The following CNTN4 variants were observed in gnomAD, a reference collection of about 807,000 sequenced individuals.
CNTN4 encodes contactin-4.
In CNTN4, 77 loss-of-function variants were observed where a neutral mutation model predicts 122.5. The ratio of observed to expected loss-of-function variants is 0.63; its 90% CI spans 0.52 to 0.76. The LOEUF is 0.76. Among genes scored for constraint, CNTN4 ranks in the 30% least tolerant of loss-of-function variants. CNTN4 has a pLI of 0.00. For missense variants in CNTN4, 1,256 were observed against 1,259.1 expected (o/e 1.00, Z 0.04); for synonymous variants, 512 against 447.0 (o/e 1.15, Z -1.83).
intron 6 of CNTN4, among the ~76,000 whole-genome samples, chr3:2,747,888 T>C (rs183309134): frequency 2.6e-4 from 39 of 152,344 alleles, no homozygotes; most frequent in South Asian, 4.1e-4. Flanking sequence ...ATCTCTTTCT[T>C]AAAATTGAGC....
intron 3 of CNTN4, among the ~76,000 whole-genome samples, chr3:2,494,725 C>T (rs2076409057): frequency 1.3e-5 from 2 of 151,982 alleles, no homozygotes; most frequent in African/African-American, 4.8e-5. Flanking sequence ...GGGTAAAATA[C>T]TTTGATTTCT....
At chr3:2,682,661 T>C (rs2085223548) in intron 4 of CNTN4, among the ~76,000 whole-genome samples, 1 of 152,070 alleles carries the variant, frequency 6.6e-6, no homozygotes, top group Non-Finnish European at 1.5e-5. Flanking sequence ...ATACCTGGAA[T>C]GGGTTAATTA....
chr3:2,386,154 T>C (rs12636837), intron 3 of CNTN4, among the ~76,000 whole-genome samples: 29,004 of 151,982 alleles, frequency 0.19, 3,013 homozygotes, highest in Middle Eastern at 0.27. Flanking sequence ...CTCATTGCCT[T>C]ACATGGTTCC....
At chr3:2,410,705 A>G (rs1281984662) in intron 3 of CNTN4, among the ~76,000 whole-genome samples, 2 of 152,210 alleles carry the variant, frequency 1.3e-5, no homozygotes, top group Non-Finnish European at 2.9e-5. Flanking sequence ...TATATTTTCA[A>G]TGTTATTGCT....
chr3:2,986,248 A>G (rs1694567863), intron 13 of CNTN4, among the ~76,000 whole-genome samples: 1 of 152,118 alleles, frequency 6.6e-6, no homozygotes, highest in African/African-American at 2.4e-5. Context: ...AAAGAGAACC[A>G]CTGCCTAGTA....
chr3:3,019,661 CAT>C (rs1012080127), intron 14 of CNTN4, among the ~76,000 whole-genome samples: 3 of 149,818 alleles, frequency 2.0e-5, no homozygotes, highest in Non-Finnish European at 3.0e-5. Context: ...CAAACACCAC[CAT>C]ATATATATAT....
intron 7 of CNTN4, among the ~76,000 whole-genome samples, chr3:2,835,305 G>A (rs6793811): frequency 0.46 from 69,217 of 151,878 alleles, 18,092 homozygotes; most frequent in East Asian, 0.8. Context: ...AGTATATAAA[G>A]CTAAAAGTTT....
At chr3:2,234,058 TTGTC>T (rs1459862709) in intron 2 of CNTN4, among the ~76,000 whole-genome samples, 1 of 152,122 alleles carries the variant, frequency 6.6e-6, no homozygotes, top group Non-Finnish European at 1.5e-5. Context: ...AGCTGATAAT[TTGTC>T]TGGTAGATTC....
rs553547579 is a variant in CNTN4 at position 2,840,467 on chromosome 3, G to GT, written c.454+20886_454+20887insT. On this transcript the variant is annotated intron_variant, in intron 7 of 24. Transcript: ENST00000418658. ...TGTCATCCCAGCACTTTGGGAGGCC[G>GT]AGGCGGGCGGATCACGAGGTCAGGA... 2.3e-4 allele frequency among the ~76,000 whole-genome samples: 34 copies of GT among 147,732 alleles called. No individual in the cohort carries two copies. The East Asian group carries it at 5.1e-3, about 22-fold the overall frequency.
chr3:2,452,135 C>G (rs576766550), intron 3 of CNTN4, among the ~76,000 whole-genome samples: 1 of 152,164 alleles, frequency 6.6e-6, no homozygotes, highest in African/African-American at 2.4e-5. Flanking sequence ...GTATACAGAG[C>G]AGGAAAAATG....
chr3:2,593,895 AG>A (rs1212265361), intron 4 of CNTN4, among the ~76,000 whole-genome samples: 1 of 152,182 alleles, frequency 6.6e-6, no homozygotes, highest in Non-Finnish European at 1.5e-5. Context: ...AGTTCCAAGC[AG>A]TTATATTTAT....
intron 4 of CNTN4, among the ~76,000 whole-genome samples, chr3:2,653,498 C>A (rs1052232569): frequency 6.6e-6 from 1 of 152,138 alleles, no homozygotes; most frequent in African/African-American, 2.4e-5. Flanking sequence ...TATCTAAGAT[C>A]ACAAGGGTAG....
At chr3:2,618,358 ATACATTTTGTATATATACATGTT>A (rs988174059) in intron 4 of CNTN4, among the ~76,000 whole-genome samples, 1 of 152,166 alleles carries the variant, frequency 6.6e-6, no homozygotes, top group African/African-American at 2.4e-5. Context: ...ATATATCATT[ATACATTTTGTATATATACATGTT>A]TACGTATACA....
chr3:2,833,738 A>T (rs1444170119), intron 7 of CNTN4, among the ~76,000 whole-genome samples: 3 of 152,250 alleles, frequency 2.0e-5, no homozygotes, highest in African/African-American at 7.2e-5. Context: ...GAAAATTTTT[A>T]AAAAATAATT....
intron 4 of CNTN4, among the ~76,000 whole-genome samples, chr3:2,676,119 T>A (rs2084829057): frequency 6.6e-6 from 1 of 152,190 alleles, no homozygotes; most frequent in Non-Finnish European, 1.5e-5. Context: ...ATTATTCCAC[T>A]TTTATCCCTC....
At chr3:3,011,626 C>A (rs1318765846) in intron 14 of CNTN4, among the ~76,000 whole-genome samples, 1 of 152,162 alleles carries the variant, frequency 6.6e-6, no homozygotes, top group Non-Finnish European at 1.5e-5. Context: ...GATACTTTCA[C>A]TAGCAACAAC....
chr3:2,276,360 G>C (rs1431664169), intron 2 of CNTN4, among the ~76,000 whole-genome samples: 1 of 152,014 alleles, frequency 6.6e-6, no homozygotes, highest in South Asian at 2.1e-4. Context: ...TTTTAGCAGA[G>C]AGAGGGTTTC....
chr3:3,054,434 A>G (rs1406388741), intron 24 of CNTN4, among the ~76,000 whole-genome samples: 3 of 152,258 alleles, frequency 2.0e-5, no homozygotes, highest in Admixed American at 6.5e-5. Flanking sequence ...CAATGGGTAT[A>G]TGCAACATGT....
intron 3 of CNTN4, among the ~76,000 whole-genome samples, chr3:2,512,862 A>C (rs1453459654): frequency 6.6e-6 from 1 of 152,174 alleles, no homozygotes; most frequent in African/African-American, 2.4e-5. Context: ...GGCAGAGAAA[A>C]ACCACAGACT....
Sources: gnomAD v4.1 joint callset for allele counts (sites outside exome capture counted in the v4.1 genomes callset) on GRCh38, gnomAD v4.1.1 for gene constraint, MANE v1.5 for transcripts, NCBI Gene and HGNC (gene_info 2026-07-23, HGNC 2026-07-21) for gene names.